Variants in HPS4 observed in about 807,000 individuals in gnomAD.
HPS4 encodes BLOC-3 complex member HPS4.
A neutral mutation model predicts 70.3 loss-of-function variants in HPS4; 44 were observed. That is an observed-to-expected ratio of 0.63 (90% CI 0.49 to 0.80). The LOEUF is 0.80. HPS4 is among the 30% of genes least tolerant of loss of function. The pLI is 0.00. For missense variants in HPS4, 873 were observed against 884.4 expected (o/e 0.99, Z 0.16); for synonymous variants, 377 against 355.9 (o/e 1.06, Z -0.67).
Position 26,482,089 on chromosome 22 carries a change from T to G in HPS4, c.-327A>C. The G allele has an allele frequency of 2.9e-6, 1 of 348,992 alleles. No homozygotes were observed. Among genetic ancestry groups the G allele is most frequent in the African/African-American group, 2.1e-5 (1 of 47,312 alleles). The allele number at this position is 348,992 out of a possible 1,614,324, so 21.6% of individuals were successfully genotyped here. A position where few individuals can be genotyped will look rare whatever the true frequency, so the allele number is the denominator to read the frequency against. On this transcript the variant is annotated 5_prime_UTR_variant, in exon 2 of 14. Coordinates refer to ENST00000398145, the MANE Select transcript of HPS4 (RefSeq NM_022081.6). ...CACTGTGGCTGTCTGCAGAACCACC[T>G]CTTCAAGCTCCTCTCCAGGAAAGCC...
Position 26,472,359 on chromosome 22 carries a change from T to G in HPS4, c.444A>C (p.Lys148Asn), listed in dbSNP as rs1280189735. The G allele has an allele frequency of 1.2e-6, 2 of 1,613,986 alleles. No individual in the cohort carries two copies. Among genetic ancestry groups the G allele is most frequent in the Admixed American group, 1.7e-5 (1 of 60,014 alleles). The change falls in exon 6 of 14, where the codon AAA (lysine) becomes AAC (asparagine). Residue 148 changes from lysine to asparagine, a missense_variant. Physicochemically the swap from Lys to Asn is moderately conservative, Grantham distance 94. Coordinates refer to ENST00000398145, the MANE Select transcript of HPS4 (RefSeq NM_022081.6). ...AAATCTTATGCAGATCACTGGTGTT[T>G]TTCAGAATTTGCTCGATGAAGGTGT... The part of the protein sequence containing the change: ...EWDTFIEQIL[K>N]NTSDLHKIFN...
At chr22:26,481,337 G>A (rs1569135642) in intron 2 of HPS4, among the ~76,000 whole-genome samples, 1 of 152,164 alleles carries the variant, frequency 6.6e-6, no homozygotes, top group African/African-American at 2.4e-5. Flanking sequence ...CAGACATTGA[G>A]TAATACCCCT....
chr22:26,477,713 A>C (rs1490395723), intron 3 of HPS4, among the ~76,000 whole-genome samples: 3 of 152,204 alleles, frequency 2.0e-5, no homozygotes, highest in Middle Eastern at 3.4e-3. Context: ...CTGAGCTTGA[A>C]CCTCACCAAG....
chr22:26,443,409 GA>G, downstream of HPS4: 1 of 527,720 alleles, frequency 1.9e-6, no homozygotes, highest in South Asian at 2.2e-5. Flanking sequence ...TATTTCCTTA[GA>G]TTTTTTTTTT....
intron 9 of HPS4, 112 bp from the exon 10 acceptor site, chr22:26,465,663 T>C (rs1361798435): frequency 2.4e-6 from 2 of 824,996 alleles, no homozygotes; most frequent in Non-Finnish European, 4.0e-6. Flanking sequence ...CGGAAAGGGG[T>C]GCTGTGAGTG....
rs1354437035 is a variant in HPS4 at position 26,464,487 on chromosome 22, T to G, written c.1143A>C (p.Glu381Asp). 9 of 1,614,178 alleles carry G rather than the reference T, an allele frequency of 5.6e-6. No homozygotes were observed. The highest frequency in any genetic ancestry group is 7.6e-6 in the Non-Finnish European group (9 of 1,180,030). Residue 381 changes from glutamate (E) to aspartate (D), a missense_variant, in exon 11 of 14, where the codon GAA (glutamate) becomes GAC (aspartate). Physicochemically the swap from Glu to Asp is conservative, Grantham distance 45. Transcript: ENST00000398145. ...GGAAGGCAAAATGACCTGAGGCCAT[T>G]TCCACTTCCTGAGCCTCTGGAATGT... ...EIHIPEAQEV[E>D]MASGHFAFLH...
chr22:26,476,967 A>G, intron 4 of HPS4, 26 bp downstream of exon 4: 1 of 1,612,392 alleles, frequency 6.2e-7, no homozygotes, highest in Non-Finnish European at 8.5e-7. Context: ...GCAACACTTC[A>G]GCACTGATTC....
At chr22:26,454,075 ATCCT>A (rs1266462996) in intron 13 of HPS4, 1 of 153,092 alleles carries the variant, frequency 6.5e-6, no homozygotes, top group Non-Finnish European at 1.5e-5. Flanking sequence ...TGGTTTCTGG[ATCCT>A]GCCTCTCCAA....
At chr22:26,467,936 C>T (rs368439855) in intron 8 of HPS4, 5 of 152,210 alleles carry the variant, frequency 3.3e-5, no homozygotes, top group African/African-American at 9.6e-5. Flanking sequence ...GAGTCTCACT[C>T]TTGCTACCCA....
In HPS4 at chr22:26,466,226, C is replaced by A; in HGVS notation, c.706G>T (p.Gly236Ter). ...GGCAACCATGCGCCTCACTACTTAC[C>A]ATGTTCCTGCGGGGCATCCTCTCCC... The part of the protein sequence containing the change: ...PTGEDAPQEH[G>*]AALPPNVQII... The change falls in exon 9 of 14, where the codon GGA becomes TGA. Residue 236 changes from glycine (G) to a stop codon, truncating the protein, a stop_gained and splice_region_variant. Coordinates refer to ENST00000398145, the MANE Select transcript of HPS4 (RefSeq NM_022081.6). LOFTEE classifies it high-confidence loss of function. 1 of 1,614,210 alleles carries A rather than the reference C, an allele frequency of 6.2e-7. No homozygotes were observed. The highest frequency in any genetic ancestry group is 8.5e-7 in the Non-Finnish European group (1 of 1,180,014).
At chr22:26,467,524 A>T (rs1019205275) in intron 8 of HPS4, 1 of 152,252 alleles carries the variant, frequency 6.6e-6, no homozygotes, top group African/African-American at 2.4e-5. Context: ...TAGAAGTCAA[A>T]TTATTAGGAA....
chr22:26,464,385 C>T lies in HPS4; in HGVS notation c.1245G>A (p.Thr415=), dbSNP rs763743681. The part of the protein sequence containing the change: ...SLSASSSLEP[T]PPEDTAISSL... ...TGCTGATGGCTGTGTCCTCAGGAGGCGTGGGTTCCAGGCTGCTGGAGGCGC... is the reference window on the plus strand; with the variant it reads ...TGCTGATGGCTGTGTCCTCAGGAGGTGTGGGTTCCAGGCTGCTGGAGGCGC... The change falls in exon 11 of 14, where the codon ACG becomes ACA. Residue 415 remains threonine, a synonymous_variant. Transcript: ENST00000398145. 18 of 1,614,140 alleles carry T rather than the reference C, an allele frequency of 1.1e-5. No individual in the cohort carries two copies. The highest frequency in any genetic ancestry group is 2.2e-5 in the East Asian group (1 of 44,880).
chr22:26,462,836 A>G (rs1051215051), intron 11 of HPS4, among the ~76,000 whole-genome samples: 3 of 152,154 alleles, frequency 2.0e-5, no homozygotes, highest in Admixed American at 1.3e-4. Flanking sequence ...CAGGAAGCAA[A>G]TGAGCCATAA....
At chr22:26,475,944 G>A (rs908542513) in intron 4 of HPS4, 10 of 152,146 alleles carry the variant, frequency 6.6e-5, no homozygotes, top group Non-Finnish European at 1.5e-5. Flanking sequence ...TCAGGAGGCT[G>A]AGATGGGAGG....
At chr22:26,458,609 G>A (rs766612334) in intron 11 of HPS4, 32 bp from the exon 12 acceptor site, 56 of 1,612,986 alleles carry the variant, frequency 3.5e-5, no homozygotes, top group Non-Finnish European at 4.5e-5. Context: ...TGGGCTTGTA[G>A]GGCTGACCTC....
chr22:26,479,606 AG>A (rs1437159954), intron 2 of HPS4: 18 of 1,342,054 alleles, frequency 1.3e-5, no homozygotes, highest in African/African-American at 2.9e-5. Flanking sequence ...ACGAGTAGCT[AG>A]AAAAAAAAAC....
chr22:26,460,732 T>C (rs891119907), intron 11 of HPS4, among the ~76,000 whole-genome samples: 7 of 152,244 alleles, frequency 4.6e-5, no homozygotes, highest in African/African-American at 1.7e-4. Context: ...CAGCAAACTC[T>C]AGCCTATAAA....
rs2091329897 is a variant in HPS4, at chr22:26,481,971, T to C, written c.-209A>G. ...CTTCCTTGCAGGTTCTTCAGTTTCA[T>C]GTATATTTCCATGCCTCTTACAACT... On this transcript the variant is annotated 5_prime_UTR_variant, in exon 2 of 14. An upstream start codon of the reference 5' UTR is lost. Transcript: ENST00000398145. 2 of 595,648 alleles carry C rather than the reference T, an allele frequency of 3.4e-6. No homozygotes were observed. The highest frequency in any genetic ancestry group is 2.9e-5 in the East Asian group (1 of 34,104). 36.9% of individuals were successfully genotyped at this position (595,648 alleles called of 1,614,324 possible).
At position 26,464,341 on chromosome 22, in the gene HPS4, G is replaced by T. The variant is rs758581869; in HGVS notation, c.1289C>A (p.Ala430Asp). The T allele has an allele frequency of 2.5e-6, 4 of 1,614,044 alleles. No homozygotes were observed. ...TCCATGCTGGGTCAGCATCTCAGGA[G>T]CAGAGGGAGGGCGCAAGCTGCTGAT... Reference protein sequence around the residue: ...TAISSLRPPSAPEMLTQHGAQ... With the variant: ...TAISSLRPPSDPEMLTQHGAQ... The change falls in exon 11 of 14, where the codon GCT becomes GAT. Residue 430 changes from alanine to aspartate, a missense_variant. Coordinates refer to ENST00000398145, the MANE Select transcript of HPS4 (RefSeq NM_022081.6).
Sources: allele counts gnomAD v4.1 joint callset (sites outside exome capture counted in the v4.1 genomes callset), GRCh38; gene constraint gnomAD v4.1.1; transcripts MANE v1.5; gene names NCBI Gene and HGNC (gene_info 2026-07-23, HGNC 2026-07-21).